Variants in PACS1 observed in about 807,000 individuals in gnomAD.
PACS1 encodes PACS-1.
PACS1 carries 24 observed loss-of-function variants against 115.0 expected under a neutral mutation model. That is an observed-to-expected ratio of 0.21 (90% CI 0.15 to 0.29). PACS1 has a LOEUF of 0.29. PACS1 is among the 10% of genes least tolerant of loss of function. The pLI is 1.00. For synonymous variants in PACS1, 453 were observed against 504.5 expected, an observed-to-expected ratio of 0.90 and a Z score of 1.37; for missense variants, 838 against 1,251.2, an observed-to-expected ratio of 0.67 and a Z score of 4.98.
chr11:66,134,108 C>T (rs1858771722), intron 1 of PACS1, among the ~76,000 whole-genome samples: 1 of 152,030 alleles, frequency 6.6e-6, no homozygotes, highest in Admixed American at 6.6e-5. Flanking sequence ...CTCTGTGCTC[C>T]CTGAAATCCC....
At chr11:66,229,958 A>C (rs1238492932) in intron 11 of PACS1, among the ~76,000 whole-genome samples, 3 of 93,916 alleles carry the variant, frequency 3.2e-5, no homozygotes, top group South Asian at 3.2e-4. Flanking sequence ...AGTCCATCCC[A>C]AAAAAAAAAA....
chr11:66,186,855 C>T (rs986045585), intron 1 of PACS1, among the ~76,000 whole-genome samples: 7 of 122,930 alleles, frequency 5.7e-5, no homozygotes, highest in East Asian at 2.1e-4. Flanking sequence ...TGTGTAGGCC[C>T]GTAACGTTGC....
rs1301030258 is a variant in PACS1, at chr11:66,243,404, C to T, written c.*124C>T. 1.5e-5 allele frequency: 10 copies of T among 672,076 alleles called. No homozygotes were observed. The highest frequency in any genetic ancestry group is 8.7e-5 in the South Asian group (5 of 57,368). 41.6% of individuals were successfully genotyped at this position (672,076 alleles called of 1,614,324 possible). A position where few individuals can be genotyped will look rare whatever the true frequency, so the allele number is the denominator to read the frequency against. ...CTGGCACCAGGGTCTGCCTCTCACT[C>T]GCCCAGGTCCCGAAGGACACTGCCA... is the stretch of plus-strand genomic sequence containing the variant. On this transcript the variant is annotated 3_prime_UTR_variant, in exon 24 of 24. Coordinates refer to ENST00000320580, the MANE Select transcript of PACS1 (RefSeq NM_018026.4).
intron 1 of PACS1, among the ~76,000 whole-genome samples, chr11:66,076,812 A>G (rs7950327): frequency 0.069 from 10,533 of 152,236 alleles, 531 homozygotes; most frequent in African/African-American, 0.15. Flanking sequence ...TTCCGTGGGA[A>G]TCTAGCGTAG....
At chr11:66,220,607 T>A (rs1855320333) in intron 8 of PACS1, 24 bp from the exon 9 acceptor site, 3 of 1,613,790 alleles carry the variant, frequency 1.9e-6, no homozygotes. Context: ...GACCCTAAAT[T>A]CAGAGACTCC....
At chr11:66,192,110 AAAAAC>A (rs1324276252) in intron 1 of PACS1, among the ~76,000 whole-genome samples, 1 of 152,208 alleles carries the variant, frequency 6.6e-6, no homozygotes, top group Non-Finnish European at 1.5e-5. Flanking sequence ...CCTTTAAAAA[AAAAAC>A]AAAACATGAA....
intron 13 of PACS1, chr11:66,231,930 G>A (rs536221986): frequency 2.4e-6 from 1 of 424,054 alleles, no homozygotes; most frequent in South Asian, 3.2e-5. Context: ...GCCCTGGCAG[G>A]ACAACCGCTG....
intron 1 of PACS1, among the ~76,000 whole-genome samples, chr11:66,090,824 C>T (rs1273496151): frequency 1.3e-5 from 2 of 152,114 alleles, no homozygotes; most frequent in Admixed American, 1.3e-4. Flanking sequence ...GATTTTCTTT[C>T]ATATAAATGC....
intron 1 of PACS1, among the ~76,000 whole-genome samples, chr11:66,137,333 G>C (rs1858870483): frequency 6.6e-6 from 1 of 151,806 alleles, no homozygotes; most frequent in Non-Finnish European, 1.5e-5. Context: ...GTGAGGTAGG[G>C]GTTCAAATTA....
At chr11:66,092,328 A>G (rs1857681401) in intron 1 of PACS1, among the ~76,000 whole-genome samples, 2 of 151,892 alleles carry the variant, frequency 1.3e-5, no homozygotes, top group Non-Finnish European at 2.9e-5. Flanking sequence ...TTCTTTTGAG[A>G]AGTGTCTGTT....
Position 66,236,341 on chromosome 11 carries a change from G to A in PACS1, c.2250+401G>A, listed in dbSNP as rs1156433908. Among the ~76,000 whole-genome samples the A allele has an allele frequency of 1.3e-5, 2 of 152,166 alleles. No homozygotes were observed. The highest frequency in any genetic ancestry group is 2.4e-5 in the African/African-American group (1 of 41,426). ...GTTTATTACACCAGGCCCTGACCTC[G>A]CTGCCTTCACCCGGGGAGTGATGTC... On this transcript the variant is annotated intron_variant, in intron 19 of 23. Coordinates refer to ENST00000320580, the MANE Select transcript of PACS1 (RefSeq NM_018026.4). This position sits in a 1 kb window ranked among gnomAD's most constrained non-coding sequence, Gnocchi z 4.2.
chr11:66,175,273 C>G (rs2134646080), intron 1 of PACS1, among the ~76,000 whole-genome samples: 1 of 152,144 alleles, frequency 6.6e-6, no homozygotes. Flanking sequence ...GTGCTTCTGT[C>G]TTTTTCTCAG....
chr11:66,156,207 TATATATATATATATATATA>T (rs1565127305), intron 1 of PACS1, among the ~76,000 whole-genome samples: 22 of 2,112 alleles, frequency 0.01, no homozygotes, highest in African/African-American at 0.029. Context: ...TTTTAAATTA[TATATATATATATATATATA>T]TATATATATA....
intron 1 of PACS1, among the ~76,000 whole-genome samples, chr11:66,086,598 A>G (rs1857574702): frequency 6.6e-6 from 1 of 152,186 alleles, no homozygotes; most frequent in South Asian, 2.1e-4. Flanking sequence ...CCTAATTAGA[A>G]AAACAAAAGC....
chr11:66,155,256 C>G (rs985506729), intron 1 of PACS1, among the ~76,000 whole-genome samples: 1 of 151,986 alleles, frequency 6.6e-6, no homozygotes, highest in South Asian at 2.1e-4. Context: ...AAAGCACATA[C>G]CATAAAATAA....
chr11:66,085,906 G>T (rs2134505670), intron 1 of PACS1, among the ~76,000 whole-genome samples: 1 of 152,284 alleles, frequency 6.6e-6, no homozygotes, highest in East Asian at 1.9e-4. Flanking sequence ...GGTACACGTG[G>T]CTTTATTTGT....
chr11:66,241,341 G>T, intron 21 of PACS1, 86 bp from the exon 22 acceptor site: 4 of 998,766 alleles, frequency 4.0e-6, no homozygotes, highest in Non-Finnish European at 5.9e-6. Flanking sequence ...CCCTCCCGGG[G>T]ACTGGCATGG....
chr11:66,199,838 T>C (rs1267587745), intron 2 of PACS1, among the ~76,000 whole-genome samples: 1 of 149,286 alleles, frequency 6.7e-6, no homozygotes, highest in Non-Finnish European at 1.5e-5. Flanking sequence ...GCCAACACAG[T>C]GAAACCCCAT....
At chr11:66,163,930 A>G (rs1161373928) in intron 1 of PACS1, among the ~76,000 whole-genome samples, 1 of 152,196 alleles carries the variant, frequency 6.6e-6, no homozygotes, top group East Asian at 1.9e-4. Context: ...CCTATTTTTA[A>G]AAAATGTTAA....
Sources: gnomAD v4.1 joint callset for allele counts (sites outside exome capture counted in the v4.1 genomes callset) on GRCh38, gnomAD v4.1.1 for gene constraint, Gnocchi (gnomAD v3.1) non-coding constraint, MANE v1.5 for transcripts, NCBI Gene and HGNC (gene_info 2026-07-23, HGNC 2026-07-21) for gene names.